ADGRG6: variants seen among roughly 807,000 people sequenced by gnomAD.
ADGRG6 encodes adhesion G protein-coupled receptor G6, also known as G-protein coupled receptor 126.
In ADGRG6, 84 loss-of-function variants were observed where a neutral mutation model predicts 142.4. The observed-to-expected ratio is 0.59, with a 90% CI of 0.49 to 0.71. ADGRG6 has a LOEUF of 0.71. ADGRG6 is among the 30% of genes least tolerant of loss of function. The pLI is 0.00. For synonymous variants in ADGRG6, 521 were observed against 520.5 expected (o/e 1.00, Z -0.01); for missense variants, 1,367 against 1,466.6 (o/e 0.93, Z 1.11).
At chr6:142,406,426 C>T (rs1177458863) in intron 15 of ADGRG6, among the ~76,000 whole-genome samples, 1 of 152,178 alleles carries the variant, frequency 6.6e-6, no homozygotes, top group Non-Finnish European at 1.5e-5. Context: ...CAAGTACAAC[C>T]TGATCGAGAG....
chr6:142,303,618 T>C (rs528922510), intron 1 of ADGRG6, among the ~76,000 whole-genome samples: 6 of 152,344 alleles, frequency 3.9e-5, no homozygotes, highest in African/African-American at 1.4e-4. Context: ...CATTTTCATA[T>C]AAGACTTGTT....
At chr6:142,370,830 T>TA in intron 4 of ADGRG6, 37 bp downstream of exon 4, 2 of 1,441,970 alleles carry the variant, frequency 1.4e-6, no homozygotes, top group Non-Finnish European at 1.9e-6. Context: ...TTTTTTTTTT[T>TA]AGCATTATTC....
At chr6:142,302,365 C>T (rs1035649302) in intron 1 of ADGRG6, 34 bp downstream of exon 1, 26 of 1,610,002 alleles carry the variant, frequency 1.6e-5, no homozygotes, top group Non-Finnish European at 2.1e-5. Context: ...AATTCCTTCA[C>T]TCTTTTATCT....
intron 22 of ADGRG6, among the ~76,000 whole-genome samples, chr6:142,423,627 G>A (rs1224247794): frequency 4.3e-5 from 6 of 140,046 alleles, no homozygotes; most frequent in African/African-American, 1.6e-4. Context: ...TTGTTCTTTT[G>A]GCTTAGGATT....
In ADGRG6 at chr6:142,367,314, A is replaced by T. The variant is rs542355715; in HGVS notation, c.104-255A>T. Among the ~76,000 whole-genome samples, 241 of 152,272 alleles carry T rather than the reference A, an allele frequency of 1.6e-3. 1 individual carries two copies. Among genetic ancestry groups the T allele is most frequent in the Non-Finnish European group, 2.6e-3 (174 of 68,024 alleles). On this transcript the variant is annotated intron_variant, in intron 2 of 24. Coordinates refer to ENST00000367609, the MANE Select transcript of ADGRG6 (RefSeq NM_198569.3). ...TTACTGGAGAGAGTTTGTATAACAG[A>T]TTCTCAGACTGTATAACCTCCCAAA...
intron 2 of ADGRG6, among the ~76,000 whole-genome samples, chr6:142,350,958 G>C (rs1227144222): frequency 6.6e-6 from 1 of 152,140 alleles, no homozygotes; most frequent in African/African-American, 2.4e-5. Context: ...AAAGTAGGCT[G>C]GGCACGGTGG....
At chr6:142,379,226 G>A (rs1164847895) in intron 4 of ADGRG6, among the ~76,000 whole-genome samples, 1 of 152,072 alleles carries the variant, frequency 6.6e-6, no homozygotes, top group Non-Finnish European at 1.5e-5. Context: ...TTAGCAAAAC[G>A]TCCTCTATTC....
At chr6:142,346,686 T>C (rs1779916406) in intron 2 of ADGRG6, among the ~76,000 whole-genome samples, 1 of 152,152 alleles carries the variant, frequency 6.6e-6, no homozygotes, top group South Asian at 2.1e-4. Flanking sequence ...CATGGAATAC[T>C]ATGCAGTCAT....
chr6:142,436,026 G>A (rs1777470001), intron 22 of ADGRG6, among the ~76,000 whole-genome samples: 1 of 152,112 alleles, frequency 6.6e-6, no homozygotes, highest in Non-Finnish European at 1.5e-5. Flanking sequence ...AAGGACTTCT[G>A]TTCAGGACAT....
At chr6:142,318,246 A>ATATTATATATATT (rs1429165092) in intron 2 of ADGRG6, among the ~76,000 whole-genome samples, 2 of 67,236 alleles carry the variant, frequency 3.0e-5, no homozygotes, top group Non-Finnish European at 5.2e-5. Flanking sequence ...ATATATTTAT[A>ATATTATATATATT]TATTATATAT....
At chr6:142,321,760 A>G (rs72986544) in intron 2 of ADGRG6, among the ~76,000 whole-genome samples, 10 of 152,284 alleles carry the variant, frequency 6.6e-5, no homozygotes, top group Non-Finnish European at 1.3e-4. Context: ...TGATTTGAAT[A>G]TAATTACATA....
rs115816006 is a variant in ADGRG6 at position 142,371,070 on chromosome 6, A to G, written c.1069+277A>G. On this transcript the variant is annotated intron_variant, in intron 4 of 24. Transcript: ENST00000367609. Reference sequence around the variant, plus strand: ...TTCCCTATGTCATAAAATATCACAGAGTTTATCACGAATATAACAATAGTT... The same window carrying G: ...TTCCCTATGTCATAAAATATCACAGGGTTTATCACGAATATAACAATAGTT... 3.8e-3 allele frequency: 1,383 copies of G among 368,096 alleles called. 18 individuals carry two copies. The highest frequency in any genetic ancestry group is 0.027 in the African/African-American group (1,291 of 48,284). The allele number at this position is 368,096 out of a possible 1,614,324, so 22.8% of individuals were successfully genotyped here.
At chr6:142,353,845 G>A (rs1262000440) in intron 2 of ADGRG6, among the ~76,000 whole-genome samples, 3 of 152,272 alleles carry the variant, frequency 2.0e-5, no homozygotes, top group East Asian at 1.9e-4. Context: ...AACTGGATAG[G>A]ATATAGTGCT....
At chr6:142,390,467 G>A (rs1774832245) in intron 7 of ADGRG6, 124 bp downstream of exon 7, 1 of 500,016 alleles carries the variant, frequency 2.0e-6, no homozygotes, top group African/African-American at 2.0e-5. Flanking sequence ...AGAAATATAT[G>A]AGTAGATATG....
In ADGRG6 at chr6:142,443,415, A is replaced by G. The variant is rs747513526; in HGVS notation, c.3653A>G (p.Gln1218Arg). 23 of 1,610,876 alleles carry G rather than the reference A, an allele frequency of 1.4e-5. No individual in the cohort carries two copies. The highest frequency in any genetic ancestry group is 1.8e-5 in the Non-Finnish European group (21 of 1,177,300). The change falls in exon 25 of 25, where the codon CAG (glutamine) becomes CGG (arginine). Residue 1218 changes from glutamine (Q) to arginine (R), a missense_variant. Physicochemically the swap from Gln to Arg is conservative, Grantham distance 43. Coordinates refer to ENST00000367609, the MANE Select transcript of ADGRG6 (RefSeq NM_198569.3). Reference sequence around the variant, plus strand: ...CAAACATCAATCATCCCTGTCCATCAGGTCATTGATAAGGTCAAGGGTTAT... The same window carrying G: ...CAAACATCAATCATCCCTGTCCATCGGGTCATTGATAAGGTCAAGGGTTAT... ...GDQTSIIPVH[Q>R]VIDKVKGYCN...
chr6:142,358,405 A>C (rs1429507171), intron 2 of ADGRG6, among the ~76,000 whole-genome samples: 1 of 152,230 alleles, frequency 6.6e-6, no homozygotes, highest in Non-Finnish European at 1.5e-5. Flanking sequence ...AGTTAGGCTC[A>C]CTTCAGTGAA....
intron 2 of ADGRG6, among the ~76,000 whole-genome samples, chr6:142,366,454 C>G (rs1780944859): frequency 6.6e-6 from 1 of 152,184 alleles, no homozygotes; most frequent in Non-Finnish European, 1.5e-5. Flanking sequence ...AGTTGGATCT[C>G]TCCTCAAATG....
At chr6:142,379,052 C>T (rs1389786904) in intron 4 of ADGRG6, among the ~76,000 whole-genome samples, 1 of 152,180 alleles carries the variant, frequency 6.6e-6, no homozygotes, top group East Asian at 1.9e-4. Context: ...TATTTCCTGG[C>T]TACACCTCTT....
At chr6:142,437,974 G>A in intron 23 of ADGRG6, 1 of 347,156 alleles carries the variant, frequency 2.9e-6, no homozygotes, top group Non-Finnish European at 5.1e-6. Context: ...TTTACTGTCA[G>A]TGGTTACTTC....
Sources: allele counts gnomAD v4.1 joint callset (sites outside exome capture counted in the v4.1 genomes callset), GRCh38; gene constraint gnomAD v4.1.1; transcripts MANE v1.5; gene names NCBI Gene and HGNC (gene_info 2026-07-23, HGNC 2026-07-21).